Variants in DMD observed in about 807,000 individuals in gnomAD.
DMD encodes the protein mutant dystrophin.
A neutral mutation model predicts 330.1 loss-of-function variants in DMD; 63 were observed. The ratio of observed to expected loss-of-function variants is 0.19; its 90% CI spans 0.16 to 0.24. DMD has a LOEUF of 0.24. Ranked by LOEUF, DMD falls within the 10% of genes least tolerant of loss-of-function variation. DMD has a pLI of 1.00. For missense variants in DMD, 3,344 were observed against 2,684.1 expected (o/e 1.25, Z -5.43); for synonymous variants, 1,223 against 959.8 (o/e 1.27, Z -5.07).
Position 32,348,477 on chromosome X carries a change from A to G in DMD, c.5377T>C (p.Leu1793=), listed in dbSNP as rs1603631366. 1 of 1,206,954 alleles carries G rather than the reference A, an allele frequency of 8.3e-7. No homozygotes were observed. Among genetic ancestry groups the G allele is most frequent in the African/African-American group, 1.7e-5 (1 of 57,638 alleles). Residue 1793 remains leucine (L), a synonymous_variant, in exon 38 of 79, where the codon TTG becomes CTG. Transcript: ENST00000357033. ...LEQFNSDIQK[L]LEPLEAEIQQ... ...ATTTCAGCCTCCAGTGGTTCAAGCA[A>G]TTTTTGTATATCTGAGTTAAACTGC...
intron 62 of DMD, among the ~76,000 whole-genome samples, chrX:31,277,705 T>C (rs1009686411): frequency 8.9e-6 from 1 of 111,817 alleles, no homozygotes; most frequent in African/African-American, 3.2e-5. Context: ...TGCAGCTTTC[T>C]GATGACCTGG....
chrX:33,246,956 T>G (rs2148894214), intron 1 of DMD, among the ~76,000 whole-genome samples: 1 of 111,532 alleles, frequency 9.0e-6, no homozygotes, highest in Admixed American at 9.6e-5. Flanking sequence ...AGTGCTGGCA[T>G]TACGGGCATG....
intron 64 of DMD, among the ~76,000 whole-genome samples, chrX:31,221,127 T>C (rs1296840050): frequency 1.8e-5 from 2 of 109,937 alleles, no homozygotes; most frequent in Non-Finnish European, 1.9e-5. Flanking sequence ...AGCCACCACA[T>C]TGCTGGTTTA....
chrX:32,504,293 T>C (rs1424892840), intron 18 of DMD, among the ~76,000 whole-genome samples: 1 of 112,136 alleles, frequency 8.9e-6, no homozygotes, highest in Non-Finnish European at 1.9e-5. Flanking sequence ...TTATCACAAA[T>C]TCACTTTAAA....
At chrX:31,245,816 T>C (rs2048777014) in intron 63 of DMD, among the ~76,000 whole-genome samples, 1 of 111,142 alleles carries the variant, frequency 9.0e-6, no homozygotes, top group African/African-American at 3.3e-5. Context: ...GACCAGCTGT[T>C]CCCCCATCTC....
rs145015605 is a variant in DMD at position 31,130,332 on chromosome X, C to G, written c.11015-3659G>C. Among the ~76,000 whole-genome samples the G allele has an allele frequency of 2.7e-5, 3 of 111,688 alleles. No individual in the cohort carries two copies. The Admixed American group carries it at 2.8e-4, about 11-fold the overall frequency. On this transcript the variant is annotated intron_variant, in intron 77 of 78. Coordinates refer to ENST00000357033, the MANE Select transcript of DMD (RefSeq NM_004006.3). ...AGAATGGCAGAGCTTTAGAGAGTACCTTATAGTAAAGTAGATAATGACTTA... is the reference window on the plus strand; with the variant it reads ...AGAATGGCAGAGCTTTAGAGAGTACGTTATAGTAAAGTAGATAATGACTTA...
intron 19 of DMD, among the ~76,000 whole-genome samples, chrX:32,494,785 A>G (rs1262558305): frequency 9.0e-6 from 1 of 111,336 alleles, no homozygotes; most frequent in Non-Finnish European, 1.9e-5. Flanking sequence ...AGTTAATAAT[A>G]CTATTTTAAA....
chrX:32,859,265 C>G (rs1287606647), intron 2 of DMD, among the ~76,000 whole-genome samples: 1 of 110,099 alleles, frequency 9.1e-6, no homozygotes, highest in Admixed American at 9.7e-5. Context: ...GTCAGGAGTT[C>G]GAGACCAGCC....
intron 47 of DMD, among the ~76,000 whole-genome samples, chrX:31,903,135 T>A (rs921081857): frequency 1.8e-5 from 2 of 112,224 alleles, no homozygotes; most frequent in African/African-American, 6.5e-5. Context: ...TTAATTTTAA[T>A]GTTATATTTT....
chrX:32,603,522 C>T (rs1368116177), intron 12 of DMD, among the ~76,000 whole-genome samples: 1 of 110,145 alleles, frequency 9.1e-6, no homozygotes, highest in Non-Finnish European at 1.9e-5. Flanking sequence ...CAGAGCAGAA[C>T]TAAATGAAAC....
chrX:32,441,630 T>C (rs2098281869), intron 27 of DMD, among the ~76,000 whole-genome samples: 1 of 111,693 alleles, frequency 9.0e-6, no homozygotes, highest in Non-Finnish European at 1.9e-5. Flanking sequence ...AAAATGCATA[T>C]GTAAATCTAA....
At chrX:32,121,050 G>T (rs763700118) in intron 44 of DMD, among the ~76,000 whole-genome samples, 1 of 112,034 alleles carries the variant, frequency 8.9e-6, no homozygotes, top group Non-Finnish European at 1.9e-5. Flanking sequence ...AAGCCCGGAA[G>T]TGCAAACGTT....
intron 9 of DMD, among the ~76,000 whole-genome samples, chrX:32,648,772 A>C (rs1221691221): frequency 1.8e-5 from 2 of 112,315 alleles, no homozygotes. Context: ...AGATATAAAA[A>C]GTGGCTTATG....
chrX:32,565,587 C>A (rs2051603308), intron 16 of DMD, 115 bp downstream of exon 16: 6 of 761,921 alleles, frequency 7.9e-6, no homozygotes, highest in Non-Finnish European at 1.2e-5. Context: ...TTTAACTAAA[C>A]ACAGGGCAAA....
Position 32,207,968 on chromosome X carries a change from T to C in DMD, c.6438+8948A>G, listed in dbSNP as rs73619036. Among the ~76,000 whole-genome samples the C allele has an allele frequency of 5.8e-3, 649 of 111,844 alleles. 3 individuals are homozygous for C. Among genetic ancestry groups the C allele is most frequent in the African/African-American group, 0.02 (614 of 30,833 alleles). Reference sequence around the variant, plus strand: ...GTGTTATTTAAGATTAGCAGTAAAATTGGATTTTCAAATAAATCCATGTTA... The same window carrying C: ...GTGTTATTTAAGATTAGCAGTAAAACTGGATTTTCAAATAAATCCATGTTA... On this transcript the variant is annotated intron_variant, in intron 44 of 78. Coordinates refer to ENST00000357033, the MANE Select transcript of DMD (RefSeq NM_004006.3).
chrX:32,297,434 C>T (rs1047322950), intron 42 of DMD, among the ~76,000 whole-genome samples: 4 of 109,381 alleles, frequency 3.7e-5, no homozygotes, highest in Admixed American at 9.8e-5. Flanking sequence ...CCACCATGCC[C>T]GGCTAATTTT....
chrX:31,175,415 T>A (rs1343877477), intron 71 of DMD, among the ~76,000 whole-genome samples: 2 of 111,157 alleles, frequency 1.8e-5, no homozygotes, highest in African/African-American at 6.5e-5. Flanking sequence ...GATAATTCCA[T>A]GTTATTTTTC....
intron 1 of DMD, among the ~76,000 whole-genome samples, chrX:33,237,313 G>A (rs917896843): frequency 1.9e-5 from 2 of 105,606 alleles, no homozygotes; most frequent in Non-Finnish European, 3.9e-5. Context: ...GCGCGATCTC[G>A]GCTCACTGCA....
chrX:31,232,068 G>C (rs770137100), intron 63 of DMD, among the ~76,000 whole-genome samples: 1 of 76,001 alleles, frequency 1.3e-5, no homozygotes, highest in Non-Finnish European at 2.3e-5. Flanking sequence ...CAGCGTAATA[G>C]GTCAGCACAT....
Sources: allele counts gnomAD v4.1 joint callset (sites outside exome capture counted in the v4.1 genomes callset), GRCh38; gene constraint gnomAD v4.1.1; transcripts MANE v1.5; gene names NCBI Gene and HGNC (gene_info 2026-07-23, HGNC 2026-07-21).